The following POU6F2 variants were observed in gnomAD, a reference collection of about 807,000 sequenced individuals.
POU6F2 encodes the protein POU domain, class 6, transcription factor 2.
POU6F2 carries 31 observed loss-of-function variants against 71.3 expected under a neutral mutation model. The observed-to-expected ratio is 0.43, with a 90% CI of 0.33 to 0.59. The LOEUF is 0.59. Ranked by LOEUF, POU6F2 falls within the 20% of genes least tolerant of loss-of-function variation. The probability of loss-of-function intolerance (pLI) is 0.04; values close to 1 mark genes in which losing one functional copy is unlikely to be tolerated. For synonymous variants in POU6F2, 347 were observed against 355.7 expected (o/e 0.98, Z 0.27); for missense variants, 783 against 856.8 (o/e 0.91, Z 1.07).
chr7:39,037,951 C>G (rs139587876), intron 1 of POU6F2, among the ~76,000 whole-genome samples: 1 of 152,014 alleles, frequency 6.6e-6, no homozygotes, highest in Non-Finnish European at 1.5e-5. Flanking sequence ...CCAAAAATCT[C>G]TCCAAATTCA....
At chr7:39,228,349 A>G (rs1217369512) in intron 4 of POU6F2, among the ~76,000 whole-genome samples, 1 of 152,202 alleles carries the variant, frequency 6.6e-6, no homozygotes, top group Non-Finnish European at 1.5e-5. Context: ...TATTGACGCC[A>G]TCCTTTTGAC....
intron 5 of POU6F2, 63 bp from the exon 6 acceptor site, chr7:39,406,537 G>A: frequency 1.9e-6 from 3 of 1,569,594 alleles, no homozygotes; most frequent in Non-Finnish European, 2.6e-6. Flanking sequence ...AGTCAATGTT[G>A]TGTCCGTGTG....
chr7:39,218,966 T>C (rs1215216467), intron 4 of POU6F2, among the ~76,000 whole-genome samples: 1 of 152,066 alleles, frequency 6.6e-6, no homozygotes, highest in Admixed American at 6.6e-5. Context: ...AAGAGATTTC[T>C]GGGGGAGAAG....
chr7:38,983,395 C>T (rs796471955), intron 1 of POU6F2, among the ~76,000 whole-genome samples: 18 of 130,592 alleles, frequency 1.4e-4, no homozygotes, highest in Admixed American at 3.9e-4. Flanking sequence ...TCCCTCCTTT[C>T]TTTTTTTTTT....
At chr7:39,368,783 A>C (rs1271249450) in intron 5 of POU6F2, among the ~76,000 whole-genome samples, 5 of 152,122 alleles carry the variant, frequency 3.3e-5, no homozygotes, top group Admixed American at 3.3e-4. Context: ...TGCTAAATCA[A>C]CTCTACCTGT....
At chr7:39,252,075 G>A (rs1425819854) in intron 4 of POU6F2, among the ~76,000 whole-genome samples, 4 of 152,010 alleles carry the variant, frequency 2.6e-5, no homozygotes, top group South Asian at 2.1e-4. Context: ...TCTACATGCC[G>A]CGAGTGTGTG....
At chr7:39,353,554 C>T (rs1399441894) in intron 5 of POU6F2, among the ~76,000 whole-genome samples, 1 of 152,276 alleles carries the variant, frequency 6.6e-6, no homozygotes, top group East Asian at 1.9e-4. Flanking sequence ...GTAAAGCATC[C>T]ACTTATGGGG....
intron 1 of POU6F2, among the ~76,000 whole-genome samples, chr7:39,052,002 C>A (rs904890291): frequency 2.6e-5 from 4 of 152,008 alleles, no homozygotes; most frequent in Non-Finnish European, 5.9e-5. Context: ...CTGGCTAGGC[C>A]CTCTTCTACC....
intron 1 of POU6F2, among the ~76,000 whole-genome samples, chr7:39,007,401 T>G (rs555016250): frequency 6.6e-6 from 1 of 152,244 alleles, no homozygotes; most frequent in East Asian, 1.9e-4. Context: ...GGAAGAAAAT[T>G]TCAGTGGAAT....
intron 5 of POU6F2, among the ~76,000 whole-genome samples, chr7:39,358,050 A>T (rs1465215277): frequency 6.6e-6 from 1 of 152,224 alleles, no homozygotes; most frequent in Non-Finnish European, 1.5e-5. Flanking sequence ...TGTGAGCCTT[A>T]TTTAGATTAC....
At chr7:39,207,695 T>C in intron 4 of POU6F2, 75 bp downstream of exon 4, 2 of 1,358,260 alleles carry the variant, frequency 1.5e-6, no homozygotes, top group Non-Finnish European at 2.0e-6. Flanking sequence ...CAAAAAAAAA[T>C]GTGCCTAGAA....
At chr7:39,195,995 A>C (rs1205387815) in intron 2 of POU6F2, among the ~76,000 whole-genome samples, 1 of 152,220 alleles carries the variant, frequency 6.6e-6, no homozygotes, top group African/African-American at 2.4e-5. Context: ...GCCATTTTTC[A>C]AGCACATTTA....
chr7:39,383,713 G>T (rs1400091222), intron 5 of POU6F2, among the ~76,000 whole-genome samples: 1 of 152,144 alleles, frequency 6.6e-6, no homozygotes, highest in Non-Finnish European at 1.5e-5. Flanking sequence ...CTCGGGGTGT[G>T]CTTAGAGTGC....
At chr7:39,021,455 C>T (rs975423474) in intron 1 of POU6F2, among the ~76,000 whole-genome samples, 18 of 151,886 alleles carry the variant, frequency 1.2e-4, no homozygotes, top group African/African-American at 4.3e-4. Flanking sequence ...TATTTATGTA[C>T]TCCACCCCAT....
intron 9 of POU6F2, among the ~76,000 whole-genome samples, chr7:39,463,722 A>G (rs1175631807): frequency 6.6e-6 from 1 of 152,216 alleles, no homozygotes; most frequent in African/African-American, 2.4e-5. Flanking sequence ...CAATGGGGGT[A>G]ATTTAAAGAA....
intron 5 of POU6F2, among the ~76,000 whole-genome samples, chr7:39,368,412 T>C (rs1288173200): frequency 6.6e-6 from 1 of 152,138 alleles, no homozygotes; most frequent in Non-Finnish European, 1.5e-5. Flanking sequence ...AGAAGAAAAG[T>C]TGGAAGCTAG....
At chr7:39,181,453 C>G (rs1343282163) in intron 2 of POU6F2, among the ~76,000 whole-genome samples, 1 of 152,220 alleles carries the variant, frequency 6.6e-6, no homozygotes, top group South Asian at 2.1e-4. Context: ...CATCATCTCT[C>G]AGTGCTATCT....
chr7:39,226,662 A>G (rs1206498240), intron 4 of POU6F2, among the ~76,000 whole-genome samples: 1 of 152,236 alleles, frequency 6.6e-6, no homozygotes, highest in Non-Finnish European at 1.5e-5. Context: ...AGAACATGTT[A>G]GCAGTATGGT....
chr7:39,354,608 C>T (rs554468345), intron 5 of POU6F2, among the ~76,000 whole-genome samples: 4 of 152,266 alleles, frequency 2.6e-5, no homozygotes, highest in African/African-American at 9.6e-5. Flanking sequence ...AAAGAAAACA[C>T]ATCAGAGTCT....
Sources: gnomAD v4.1 joint callset for allele counts (sites outside exome capture counted in the v4.1 genomes callset) on GRCh38, gnomAD v4.1.1 for gene constraint, MANE v1.5 for transcripts, NCBI Gene and HGNC (gene_info 2026-07-23, HGNC 2026-07-21) for gene names.